The following LRRIQ1 variants were observed in gnomAD, a reference collection of about 807,000 sequenced individuals.
The protein encoded by LRRIQ1 is leucine rich repeats and IQ motif containing 1.
In LRRIQ1, 210 loss-of-function variants were observed where a neutral mutation model predicts 211.9. That is an observed-to-expected ratio of 0.99 (90% CI 0.89 to 1.11). LRRIQ1 has a LOEUF of 1.11. Among genes scored for constraint, LRRIQ1 ranks in the 50% most tolerant of loss-of-function variants. The probability of loss-of-function intolerance (pLI) is 0.00; values close to 1 mark genes in which losing one functional copy is unlikely to be tolerated. For missense variants in LRRIQ1, 2,136 were observed against 1,939.5 expected (o/e 1.10, Z -1.90); for synonymous variants, 699 against 650.1 (o/e 1.08, Z -1.14).
chr12:85,198,037 TATAATATATTATATAATTATATATAAC>T, intron 24 of LRRIQ1, among the ~76,000 whole-genome samples: 2 of 50,266 alleles, frequency 4.0e-5, no homozygotes, highest in Non-Finnish European at 6.1e-5. Flanking sequence ...ATATAACATA[TATAATATATTATATAATTATATATAAC>T]ATATTATTTA....
At chr12:85,090,212 G>A (rs779335402) in intron 11 of LRRIQ1, among the ~76,000 whole-genome samples, 2 of 152,206 alleles carry the variant, frequency 1.3e-5, no homozygotes, top group African/African-American at 2.4e-5. Context: ...AGGTATCAGA[G>A]GATGTATGGA....
chr12:85,196,921 C>T (rs1892948507), intron 24 of LRRIQ1, among the ~76,000 whole-genome samples: 1 of 152,046 alleles, frequency 6.6e-6, no homozygotes, highest in Non-Finnish European at 1.5e-5. Context: ...TTTTTGCAAC[C>T]TACTCATCTG....
At chr12:85,223,922 G>A (rs935146397) in intron 24 of LRRIQ1, among the ~76,000 whole-genome samples, 1 of 146,954 alleles carries the variant, frequency 6.8e-6, no homozygotes, top group South Asian at 2.1e-4. Flanking sequence ...AGACAGTATT[G>A]TTATCAAATT....
chr12:85,115,524 T>C (rs1254275267), intron 15 of LRRIQ1, among the ~76,000 whole-genome samples: 1 of 152,310 alleles, frequency 6.6e-6, no homozygotes, highest in Non-Finnish European at 1.5e-5. Context: ...AAACTTTTTA[T>C]ATAAAGGTGA....
Position 85,178,954 on chromosome 12 carries a change from A to G in LRRIQ1, c.4822+18240A>G, listed in dbSNP as rs145390570. ...CCTCTGAGTCCAGTTGAGAAACCTT[A>G]TGTAAATGGGCAAAACAAAATATTT... is the stretch of plus-strand genomic sequence containing the variant. On this transcript the variant is annotated intron_variant, in intron 24 of 26. Transcript: ENST00000393217. Among the ~76,000 whole-genome samples the G allele has an allele frequency of 5.8e-3, 871 of 151,232 alleles. 4 individuals carry two copies. Among genetic ancestry groups the G allele is most frequent in the Middle Eastern group, 0.014 (4 of 292 alleles).
rs761514517 is a variant in LRRIQ1, at chr12:85,055,618, A to G, written c.825A>G (p.Glu275=). 2.6e-5 allele frequency: 41 copies of G among 1,573,940 alleles called. No homozygotes were observed. In the Middle Eastern group the frequency reaches 5.1e-4, roughly 20 times the overall value. ...GATTTAAAGACCAACAAGAAAAAGA[A>G]AAAAATTCTTTGTTAAAACAGCAGA... The part of the protein sequence containing the change: ...RTRFKDQQEK[E]KNSLLKQQNN... The change falls in exon 8 of 27, where the codon GAA becomes GAG. Residue 275 remains glutamate (E), a synonymous_variant. Coordinates refer to ENST00000393217, the MANE Select transcript of LRRIQ1 (RefSeq NM_001079910.2).
At chr12:85,134,726 A>C (rs977337345) in intron 18 of LRRIQ1, among the ~76,000 whole-genome samples, 8 of 152,052 alleles carry the variant, frequency 5.3e-5, no homozygotes, top group Non-Finnish European at 1.0e-4. Context: ...TTGTAAGAAA[A>C]AAGATAAGTG....
rs528744921 is a variant in LRRIQ1 at position 85,206,566 on chromosome 12, A to G, written c.4823-22951A>G. On this transcript the variant is annotated intron_variant, in intron 24 of 26. Transcript: ENST00000393217. ...GACAAAGTCTGTCCACATGTTAACCAGCAAAGCAATGGGGGTGAGGGGGTG... is the reference window on the plus strand; with the variant it reads ...GACAAAGTCTGTCCACATGTTAACCGGCAAAGCAATGGGGGTGAGGGGGTG... Among the ~76,000 whole-genome samples, 8 of 152,242 alleles carry G rather than the reference A, an allele frequency of 5.3e-5. No homozygotes were observed. The East Asian group carries it at 1.5e-3, about 29-fold the overall frequency.
chr12:85,249,288 C>A (rs1470751345), downstream of LRRIQ1, among the ~76,000 whole-genome samples: 1 of 151,642 alleles, frequency 6.6e-6, no homozygotes, highest in Non-Finnish European at 1.5e-5. Context: ...AAGCACATTT[C>A]AATAATATAA....
chr12:85,201,130 C>T (rs1363774388), intron 24 of LRRIQ1, among the ~76,000 whole-genome samples: 5 of 151,726 alleles, frequency 3.3e-5, no homozygotes, highest in African/African-American at 4.8e-5. Flanking sequence ...CACGCCTGGC[C>T]GATGGTTTAG....
intron 19 of LRRIQ1, among the ~76,000 whole-genome samples, chr12:85,142,279 G>A (rs1013861854): frequency 6.6e-6 from 1 of 151,016 alleles, no homozygotes; most frequent in Non-Finnish European, 1.5e-5. Flanking sequence ...TTTCTTTATT[G>A]CCCTGCTTGG....
At chr12:85,043,257 G>A (rs908676396) in intron 3 of LRRIQ1, among the ~76,000 whole-genome samples, 12 of 152,166 alleles carry the variant, frequency 7.9e-5, no homozygotes, top group African/African-American at 2.9e-4. Context: ...GGTTTTTCAT[G>A]CATTTATAGT....
At chr12:85,062,873 G>T (rs898875920) in intron 8 of LRRIQ1, among the ~76,000 whole-genome samples, 5 of 151,488 alleles carry the variant, frequency 3.3e-5, no homozygotes, top group Non-Finnish European at 1.5e-5. Flanking sequence ...ATTATTTTTT[G>T]ACTTTTTAGC....
At chr12:85,135,923 T>C (rs958018463) in intron 18 of LRRIQ1, among the ~76,000 whole-genome samples, 24 of 152,084 alleles carry the variant, frequency 1.6e-4, no homozygotes, top group African/African-American at 5.8e-4. Flanking sequence ...TTGTTTCTAC[T>C]GGTTTGGTCA....
chr12:85,216,266 G>A (rs549856608), intron 24 of LRRIQ1, among the ~76,000 whole-genome samples: 137 of 152,200 alleles, frequency 9.0e-4, no homozygotes, highest in African/African-American at 2.7e-3. Flanking sequence ...AGAACATGCA[G>A]TATTTGGTTT....
intron 24 of LRRIQ1, among the ~76,000 whole-genome samples, chr12:85,196,380 G>A (rs2136981373): frequency 6.6e-6 from 1 of 151,954 alleles, no homozygotes; most frequent in East Asian, 1.9e-4. Flanking sequence ...TCAATCCTAA[G>A]CCAAAAGAAC....
chr12:85,072,863 A>T, intron 10 of LRRIQ1, 44 bp from the exon 11 acceptor site: 1 of 1,392,282 alleles, frequency 7.2e-7, no homozygotes, highest in Non-Finnish European at 9.7e-7. Context: ...TGCATTTATT[A>T]ATTCGTCTTA....
At chr12:85,174,834 C>T (rs1891611178) in intron 24 of LRRIQ1, among the ~76,000 whole-genome samples, 1 of 151,218 alleles carries the variant, frequency 6.6e-6, no homozygotes, top group Non-Finnish European at 1.5e-5. Flanking sequence ...GACCATTTTC[C>T]AGGCCCACTA....
At chr12:85,201,437 G>T (rs1893287804) in intron 24 of LRRIQ1, among the ~76,000 whole-genome samples, 1 of 151,704 alleles carries the variant, frequency 6.6e-6, no homozygotes, top group Non-Finnish European at 1.5e-5. Flanking sequence ...TGTTTGATTG[G>T]CCAACTTACT....
Sources: gnomAD v4.1 joint callset for allele counts (sites outside exome capture counted in the v4.1 genomes callset) on GRCh38, gnomAD v4.1.1 for gene constraint, MANE v1.5 for transcripts, NCBI Gene and HGNC (gene_info 2026-07-23, HGNC 2026-07-21) for gene names.